LRIF1: variants seen among roughly 807,000 people sequenced by gnomAD.
LRIF1 encodes the protein ligand dependent nuclear receptor interacting factor 1, also known as ligand-dependent nuclear receptor-interacting factor 1.
A neutral mutation model predicts 52.7 loss-of-function variants in LRIF1; 32 were observed. The observed-to-expected ratio is 0.61, with a 90% CI of 0.46 to 0.82. The LOEUF (loss-of-function observed/expected upper bound fraction) is 0.82. LRIF1 is among the 40% of genes least tolerant of loss of function. The pLI, the probability that LRIF1 is intolerant of heterozygous loss-of-function variation, is 0.00. For synonymous variants in LRIF1, 323 were observed against 317.4 expected, an observed-to-expected ratio of 1.02 and a Z score of -0.19; for missense variants, 887 against 892.0, an observed-to-expected ratio of 0.99 and a Z score of 0.07.
chr1:110,920,141 C>T, the LRIF1 span, among the ~76,000 whole-genome samples: 5 of 152,146 alleles, frequency 3.3e-5, no homozygotes, highest in Non-Finnish European at 7.3e-5. Context: ...TATAGTCTTG[C>T]AAAACTGAGC....
intron 2 of LRIF1, among the ~76,000 whole-genome samples, chr1:110,950,606 T>C (rs2101107451): frequency 6.6e-6 from 1 of 151,928 alleles, no homozygotes; most frequent in South Asian, 2.1e-4. Flanking sequence ...GGTACAAATA[T>C]CTAGTAAGCA....
At chr1:110,945,274 G>C (rs1447442528), downstream of LRIF1, 1 of 152,174 alleles carries the variant, frequency 6.6e-6, no homozygotes, top group Non-Finnish European at 1.5e-5. Context: ...AGAATGATCA[G>C]AAAGGATATA....
chr1:110,876,798 A>AT, the LRIF1 span, among the ~76,000 whole-genome samples: 1 of 152,210 alleles, frequency 6.6e-6, no homozygotes, highest in East Asian at 1.9e-4. Flanking sequence ...ATTCAGACTG[A>AT]TAAAAAGGTT....
chr1:110,875,581 G>A, the LRIF1 span, among the ~76,000 whole-genome samples: 5 of 152,134 alleles, frequency 3.3e-5, no homozygotes, highest in African/African-American at 1.2e-4. Flanking sequence ...TCAGCCTAGG[G>A]CACTTCTTGT....
At chr1:110,962,983 A>G (rs1478880227) in intron 1 of LRIF1, among the ~76,000 whole-genome samples, 1 of 152,170 alleles carries the variant, frequency 6.6e-6, no homozygotes, top group Non-Finnish European at 1.5e-5. Context: ...TATCTTCCTT[A>G]GAAATACTGG....
downstream of LRIF1, among the ~76,000 whole-genome samples, chr1:110,946,808 C>T (rs1222083941): frequency 6.6e-6 from 1 of 151,892 alleles, no homozygotes; most frequent in Non-Finnish European, 1.5e-5. Flanking sequence ...AGGTGCCCGC[C>T]ACTGTGCCCG....
At chr1:110,961,763 G>T (rs1658955751) in intron 1 of LRIF1, among the ~76,000 whole-genome samples, 1 of 151,902 alleles carries the variant, frequency 6.6e-6, no homozygotes, top group Non-Finnish European at 1.5e-5. Context: ...TAAACTACAA[G>T]GGCCGTTAAT....
chr1:110,900,656 G>A, the LRIF1 span, among the ~76,000 whole-genome samples: 11 of 150,372 alleles, frequency 7.3e-5, no homozygotes, highest in Admixed American at 4.6e-4. Flanking sequence ...CATGAGCCAC[G>A]CCACAGTTTT....
intron 2 of LRIF1, 73 bp from the exon 3 acceptor site, chr1:110,950,196 A>C: frequency 2.7e-6 from 4 of 1,467,354 alleles, no homozygotes; most frequent in Non-Finnish European, 3.7e-6. Flanking sequence ...CAACTAAGTG[A>C]TTATTTCATC....
chr1:110,949,546 A>T (rs1306941790), intron 3 of LRIF1, among the ~76,000 whole-genome samples: 1 of 150,250 alleles, frequency 6.7e-6, no homozygotes, highest in Non-Finnish European at 1.5e-5. Context: ...CAGCCTCCTG[A>T]GTAGCTGGGA....
chr1:110,955,787 A>C (rs990493186), intron 1 of LRIF1, among the ~76,000 whole-genome samples: 1 of 152,186 alleles, frequency 6.6e-6, no homozygotes, highest in African/African-American at 2.4e-5. Context: ...CAAAGAAGGG[A>C]TCTTTCCTTT....
intron 3 of LRIF1, 94 bp from the exon 4 acceptor site, chr1:110,948,493 T>C (rs1274448213): frequency 1.4e-6 from 2 of 1,458,332 alleles, no homozygotes; most frequent in East Asian, 2.5e-5. Context: ...CAGAAACAAA[T>C]ATCTAGCTAT....
chr1:110,898,518 C>T, the LRIF1 span, among the ~76,000 whole-genome samples: 4 of 151,872 alleles, frequency 2.6e-5, no homozygotes, highest in African/African-American at 9.7e-5. Context: ...CTGAAAAATA[C>T]GAATTGATAA....
rs1658263626 is a variant in LRIF1 at position 110,947,776 on chromosome 1, G to A, written c.*183C>T. The stretch of plus-strand genomic sequence containing the variant: ...TAAGACAAAGGTATAGATACCCCAT[G>A]TAAATTATTCACAAGTCATATGTGA... On this transcript the variant is annotated 3_prime_UTR_variant, in exon 4 of 4. Coordinates refer to ENST00000369763, the MANE Select transcript of LRIF1 (RefSeq NM_018372.4). 1.5e-6 allele frequency: 1 copy of A among 685,084 alleles called. No homozygotes were observed. The highest frequency in any genetic ancestry group is 1.8e-5 in the African/African-American group (1 of 54,572). The allele number at this position is 685,084 out of a possible 1,614,324, so 42.4% of individuals were successfully genotyped here. A position where few individuals can be genotyped will look rare whatever the true frequency, so the allele number is the denominator to read the frequency against.
the LRIF1 span, among the ~76,000 whole-genome samples, chr1:110,904,573 A>G: frequency 6.6e-6 from 1 of 152,242 alleles, no homozygotes; most frequent in Non-Finnish European, 1.5e-5. Context: ...TAAGAACCAC[A>G]GTATTACTGA....
the LRIF1 span, chr1:110,899,706 A>G: frequency 1.3e-5 from 2 of 155,232 alleles, no homozygotes; most frequent in East Asian, 1.9e-4. Flanking sequence ...TCTTTCTCCA[A>G]AGGGCAAGAT....
chr1:110,925,170 A>C, the LRIF1 span, among the ~76,000 whole-genome samples: 1 of 152,058 alleles, frequency 6.6e-6, no homozygotes, highest in South Asian at 2.1e-4. Flanking sequence ...TTAACTCAGT[A>C]GTTTTGGGTA....
chr1:110,889,256 T>C, the LRIF1 span, among the ~76,000 whole-genome samples: 1 of 152,004 alleles, frequency 6.6e-6, no homozygotes. Flanking sequence ...ACAGAGTAGT[T>C]CTTTAAGACT....
chr1:110,933,098 G>A, the LRIF1 span, among the ~76,000 whole-genome samples: 1 of 152,104 alleles, frequency 6.6e-6, no homozygotes, highest in African/African-American at 2.4e-5. Context: ...TGGCTCCTCT[G>A]TTTCTTTGAT....
Sources: allele counts gnomAD v4.1 joint callset (sites outside exome capture counted in the v4.1 genomes callset), GRCh38; gene constraint gnomAD v4.1.1; transcripts MANE v1.5; gene names NCBI Gene and HGNC (gene_info 2026-07-23, HGNC 2026-07-21).